NFIA: variants seen among roughly 807,000 people sequenced by gnomAD.
The protein encoded by NFIA is nuclear factor 1 A-type.
A neutral mutation model predicts 62.8 loss-of-function variants in NFIA; 8 were observed. That is an observed-to-expected ratio of 0.13 (90% CI 0.07 to 0.23). NFIA has a LOEUF of 0.23. Among genes scored for constraint, NFIA ranks in the 10% least tolerant of loss-of-function variants. The pLI is 1.00. For synonymous variants in NFIA, 235 were observed against 238.1 expected (o/e 0.99, Z 0.12); for missense variants, 410 against 642.1 (o/e 0.64, Z 3.91).
rs1658919365 is a variant in NFIA, at chr1:61,292,060, A to C, written c.625+14475A>C. 1.3e-5 allele frequency among the ~76,000 whole-genome samples: 2 copies of C among 152,216 alleles called. 1 individual carries two copies. Among genetic ancestry groups the C allele is most frequent in the South Asian group, 4.1e-4 (2 of 4,830 alleles). ...GTCTGCAGAATTCCACATTTTCCTC[A>C]GGATACCTCGCAGACCATGGGTGAC... On this transcript the variant is annotated intron_variant, in intron 3 of 10. Transcript: ENST00000403491.
At chr1:61,314,363 C>G (rs1397527443) in intron 3 of NFIA, among the ~76,000 whole-genome samples, 1 of 152,108 alleles carries the variant, frequency 6.6e-6, no homozygotes, top group Non-Finnish European at 1.5e-5. Context: ...GTACCTGAAG[C>G]AGAGAAGATA....
At chr1:61,386,875 C>G (rs1038063805) in intron 7 of NFIA, among the ~76,000 whole-genome samples, 2 of 152,128 alleles carry the variant, frequency 1.3e-5, no homozygotes, top group Non-Finnish European at 2.9e-5. Context: ...GCTGGAAGTC[C>G]AAGATTAAGG....
intron 2 of NFIA, among the ~76,000 whole-genome samples, chr1:61,172,314 TA>T (rs5774541): frequency 0.89 from 134,907 of 152,152 alleles, 60,400 homozygotes; most frequent in Non-Finnish European, 0.95. Flanking sequence ...ATGAGTCAGA[TA>T]ATGTGGATAT....
chr1:61,193,059 C>T (rs1039574566), intron 2 of NFIA, among the ~76,000 whole-genome samples: 5 of 152,194 alleles, frequency 3.3e-5, no homozygotes, highest in African/African-American at 9.7e-5. Flanking sequence ...TTCAGATTAG[C>T]CTAGTATAGC....
At chr1:61,252,587 A>G (rs1419700165) in intron 2 of NFIA, among the ~76,000 whole-genome samples, 1 of 152,258 alleles carries the variant, frequency 6.6e-6, no homozygotes. Context: ...TATTTTAGAA[A>G]TATCTTTAAA....
chr1:61,448,500 C>T (rs149338917), intron 10 of NFIA, among the ~76,000 whole-genome samples: 1 of 152,212 alleles, frequency 6.6e-6, no homozygotes, highest in Non-Finnish European at 1.5e-5. Context: ...CCAGCTACCC[C>T]TGGCTTTCTG....
intron 2 of NFIA, among the ~76,000 whole-genome samples, chr1:61,168,809 A>T (rs986662112): frequency 6.6e-6 from 1 of 152,192 alleles, no homozygotes; most frequent in African/African-American, 2.4e-5. Context: ...AGTTTTTTGA[A>T]AACTTAATTA....
At chr1:61,437,234 C>T (rs1410254184) in intron 10 of NFIA, among the ~76,000 whole-genome samples, 6 of 152,164 alleles carry the variant, frequency 3.9e-5, no homozygotes, top group Non-Finnish European at 5.9e-5. Context: ...CCCTCTCAAG[C>T]GCAGTCTTCC....
chr1:61,082,068 G>T, upstream of NFIA: 1 of 1,541,944 alleles, frequency 6.5e-7, no homozygotes. Flanking sequence ...GTCTGCAGCG[G>T]GGGTGGGGGG....
intron 7 of NFIA, among the ~76,000 whole-genome samples, chr1:61,391,700 C>T (rs750920955): frequency 6.5e-4 from 99 of 152,172 alleles, no homozygotes; most frequent in Non-Finnish European, 1.6e-4. Context: ...CGTCCCCTGG[C>T]GTTTCACTAC....
intron 2 of NFIA, among the ~76,000 whole-genome samples, chr1:61,195,063 G>GTA (rs35254268): frequency 0.33 from 49,707 of 151,776 alleles, 9,324 homozygotes; most frequent in East Asian, 0.58. Context: ...ACCTCTTGTT[G>GTA]TATGTTATTC....
chr1:61,208,752 G>A (rs1032397644), intron 2 of NFIA, among the ~76,000 whole-genome samples: 1 of 152,064 alleles, frequency 6.6e-6, no homozygotes, highest in Non-Finnish European at 1.5e-5. Flanking sequence ...TCTTCCTACT[G>A]TTAATTTTCA....
At chr1:61,149,241 G>A (rs1315848468) in intron 2 of NFIA, among the ~76,000 whole-genome samples, 1 of 152,030 alleles carries the variant, frequency 6.6e-6, no homozygotes, top group Non-Finnish European at 1.5e-5. Context: ...TTGCTGCATA[G>A]TAGGAGCTCA....
At chr1:61,285,579 T>C (rs919797541) in intron 3 of NFIA, among the ~76,000 whole-genome samples, 4 of 152,170 alleles carry the variant, frequency 2.6e-5, no homozygotes, top group Non-Finnish European at 5.9e-5. Flanking sequence ...CTTTTTCTCT[T>C]CTTCAGGTTT....
At chr1:61,170,615 C>A (rs1310834425) in intron 2 of NFIA, among the ~76,000 whole-genome samples, 1 of 152,170 alleles carries the variant, frequency 6.6e-6, no homozygotes, top group African/African-American at 2.4e-5. Context: ...CCCACACCCC[C>A]AGACCTTTTT....
intron 2 of NFIA, among the ~76,000 whole-genome samples, chr1:61,094,033 G>C (rs936188751): frequency 6.6e-6 from 1 of 152,136 alleles, no homozygotes; most frequent in Non-Finnish European, 1.5e-5. Flanking sequence ...AATTCTAATT[G>C]CTCACAAATG....
At chr1:61,198,638 C>T (rs1380224932) in intron 2 of NFIA, among the ~76,000 whole-genome samples, 1 of 152,176 alleles carries the variant, frequency 6.6e-6, no homozygotes, top group Non-Finnish European at 1.5e-5. Flanking sequence ...GGTCCTCTGG[C>T]AGGCAGCGTC....
intron 2 of NFIA, among the ~76,000 whole-genome samples, chr1:61,093,506 A>C (rs955362065): frequency 6.6e-6 from 1 of 152,178 alleles, no homozygotes; most frequent in Non-Finnish European, 1.5e-5. Context: ...ATTTTTAGAA[A>C]TTTTAATTTA....
At position 61,195,257 on chromosome 1, in the gene NFIA, A is replaced by G. The variant is rs554772370; in HGVS notation, c.560-82263A>G. On this transcript the variant is annotated intron_variant, in intron 2 of 10. Transcript: ENST00000403491. ...TGCTCAATTGGGATTCCTTTGTCAA[A>G]ACTGCTGTGATGACAGGGTCTTACG... Among the ~76,000 whole-genome samples the G allele has an allele frequency of 2.0e-5, 3 of 152,172 alleles. No homozygotes were observed. The South Asian group carries it at 6.2e-4, about 31-fold the overall frequency.
Sources: allele counts gnomAD v4.1 joint callset (sites outside exome capture counted in the v4.1 genomes callset), GRCh38; gene constraint gnomAD v4.1.1; transcripts MANE v1.5; gene names NCBI Gene and HGNC (gene_info 2026-07-23, HGNC 2026-07-21).